Variants in B3GALT1 observed in about 807,000 individuals in gnomAD.
The protein encoded by B3GALT1 is UDP-Gal:betaGlcNAc beta 1,3-galactosyltransferase, polypeptide 1.
Under a neutral mutation model 23.2 loss-of-function variants are expected in B3GALT1, and 10 were observed. The observed-to-expected ratio is 0.43, with a 90% confidence interval of 0.27 to 0.73. The LOEUF (loss-of-function observed/expected upper bound fraction) is 0.73. B3GALT1 is among the 30% of genes least tolerant of loss of function. The probability of loss-of-function intolerance (pLI) is 0.21; values close to 1 mark genes in which losing one functional copy is unlikely to be tolerated. For synonymous variants in B3GALT1, 156 were observed against 141.5 expected (o/e 1.10, Z -0.73); for missense variants, 299 against 405.4 (o/e 0.74, Z 2.25).
At chr2:167,618,435 A>G (rs1398960162) in intron 2 of B3GALT1, among the ~76,000 whole-genome samples, 2 of 152,034 alleles carry the variant, frequency 1.3e-5, no homozygotes, top group Non-Finnish European at 2.9e-5. Flanking sequence ...TTGAGAGTAC[A>G]GATATGACCT....
rs2105278992 is a variant in B3GALT1 at position 167,385,682 on chromosome 2, G to A, written c.-511+92348G>A. The stretch of plus-strand genomic sequence containing the variant: ...TACTGCTAGGAAATAACAAAATTGG[G>A]ACTGGAAACAAGAAAGCATAACTTC... On this transcript the variant is annotated intron_variant, in intron 1 of 4. Coordinates refer to ENST00000392690, the MANE Select transcript of B3GALT1 (RefSeq NM_020981.4). Among the ~76,000 whole-genome samples the A allele has an allele frequency of 2.0e-5, 3 of 152,262 alleles. No homozygotes were observed. In the Middle Eastern group the frequency reaches 0.01, roughly 518 times the overall value.
intron 3 of B3GALT1, among the ~76,000 whole-genome samples, chr2:167,763,894 G>A (rs527282001): frequency 3.3e-5 from 5 of 152,094 alleles, no homozygotes; most frequent in Non-Finnish European, 7.4e-5. Flanking sequence ...CCCTCATCCT[G>A]ATGAGTATTC....
chr2:167,477,876 AAAC>A (rs1699508335), intron 1 of B3GALT1, among the ~76,000 whole-genome samples: 1 of 152,268 alleles, frequency 6.6e-6, no homozygotes, highest in South Asian at 2.1e-4. Context: ...ATTGAAAAGA[AAAC>A]AACAAAAACA....
At position 167,570,851 on chromosome 2, in the gene B3GALT1, A is replaced by G. The variant is rs905729788; in HGVS notation, c.-409-76058A>G. 2.0e-5 allele frequency among the ~76,000 whole-genome samples: 3 copies of G among 152,092 alleles called. No individual in the cohort carries two copies. The East Asian group carries it at 5.8e-4, about 29-fold the overall frequency. ...TAAAATCTTCTTTTTGGAGCCTCTC[A>G]GTACACATTAGCAAATCTACTTCTT... On this transcript the variant is annotated intron_variant, in intron 2 of 4. Transcript: ENST00000392690.
intron 4 of B3GALT1, among the ~76,000 whole-genome samples, chr2:167,831,397 T>C (rs1033351916): frequency 8.5e-5 from 13 of 152,226 alleles, no homozygotes; most frequent in African/African-American, 2.9e-4. Context: ...ACACAGTAAA[T>C]TGTGTAGTCA....
chr2:167,753,009 T>C (rs914331252), intron 3 of B3GALT1, among the ~76,000 whole-genome samples: 1 of 152,162 alleles, frequency 6.6e-6, no homozygotes, highest in East Asian at 1.9e-4. Context: ...AACATCTGCC[T>C]GTAGGTCCAC....
At chr2:167,727,755 A>T (rs943629096) in intron 3 of B3GALT1, among the ~76,000 whole-genome samples, 4 of 152,138 alleles carry the variant, frequency 2.6e-5, no homozygotes, top group Non-Finnish European at 5.9e-5. Context: ...CATCTTTCTT[A>T]CATTCGGGGT....
chr2:167,568,925 T>A (rs1684234153), intron 2 of B3GALT1, among the ~76,000 whole-genome samples: 1 of 152,002 alleles, frequency 6.6e-6, no homozygotes, highest in Non-Finnish European at 1.5e-5. Flanking sequence ...GTGTTTAGAT[T>A]CATTGTTTTG....
chr2:167,421,622 A>G (rs1367963414), intron 1 of B3GALT1, among the ~76,000 whole-genome samples: 1 of 152,198 alleles, frequency 6.6e-6, no homozygotes, highest in African/African-American at 2.4e-5. Context: ...GGGTATTCAA[A>G]TGTCACTCTT....
At chr2:167,845,899 A>T (rs368736884) in intron 4 of B3GALT1, among the ~76,000 whole-genome samples, 3 of 152,160 alleles carry the variant, frequency 2.0e-5, no homozygotes, top group African/African-American at 7.2e-5. Context: ...AATAGCTTAA[A>T]CAAAAAAACA....
At chr2:167,459,619 C>T (rs746163679) in intron 1 of B3GALT1, among the ~76,000 whole-genome samples, 8 of 151,990 alleles carry the variant, frequency 5.3e-5, no homozygotes, top group Non-Finnish European at 8.8e-5. Flanking sequence ...ATGTGGAGAA[C>T]AAAAAGTAGA....
intron 1 of B3GALT1, among the ~76,000 whole-genome samples, chr2:167,376,761 A>G (rs1352262593): frequency 1.3e-5 from 2 of 152,040 alleles, no homozygotes; most frequent in African/African-American, 4.8e-5. Context: ...CTAGTGGTCT[A>G]TCAATCTTGT....
intron 2 of B3GALT1, among the ~76,000 whole-genome samples, chr2:167,582,995 C>A (rs1035962321): frequency 2.0e-5 from 3 of 152,192 alleles, no homozygotes; most frequent in African/African-American, 7.2e-5. Flanking sequence ...CCATCCCACC[C>A]CACCCCTAGT....
chr2:167,434,162 G>T (rs1235588777), intron 1 of B3GALT1, among the ~76,000 whole-genome samples: 1 of 152,108 alleles, frequency 6.6e-6, no homozygotes. Flanking sequence ...TCAAGATATT[G>T]AAATTTAAGC....
At chr2:167,449,029 G>A (rs919632854) in intron 1 of B3GALT1, among the ~76,000 whole-genome samples, 44 of 152,230 alleles carry the variant, frequency 2.9e-4, no homozygotes, top group South Asian at 4.1e-4. Flanking sequence ...GTTGGGTAAT[G>A]TGATGCCTTC....
intron 3 of B3GALT1, among the ~76,000 whole-genome samples, chr2:167,661,038 A>G (rs902048709): frequency 2.8e-4 from 42 of 152,258 alleles, no homozygotes; most frequent in African/African-American, 9.9e-4. Flanking sequence ...GAATGAAAAG[A>G]AAGAAGGGTA....
At chr2:167,864,508 G>T (rs1383723726) in intron 4 of B3GALT1, among the ~76,000 whole-genome samples, 2 of 152,210 alleles carry the variant, frequency 1.3e-5, no homozygotes, top group Non-Finnish European at 2.9e-5. Flanking sequence ...AGGCTACAGT[G>T]AGCTGTGATT....
At position 167,540,196 on chromosome 2, in the gene B3GALT1, G is replaced by T. The variant is rs190566547; in HGVS notation, c.-410+49919G>T. ...GGAAAGAGAACCAGCTAGTCCAGGG[G>T]TTACCAAGACTATCTCAACTCCTGG... On this transcript the variant is annotated intron_variant, in intron 2 of 4. Transcript: ENST00000392690. 1.2e-3 allele frequency among the ~76,000 whole-genome samples: 177 copies of T among 152,134 alleles called. 6 individuals carry two copies. In the East Asian group the frequency reaches 0.029, roughly 25 times the overall value.
At chr2:167,504,558 T>C (rs1015983652) in intron 2 of B3GALT1, among the ~76,000 whole-genome samples, 2 of 152,114 alleles carry the variant, frequency 1.3e-5, no homozygotes, top group African/African-American at 2.4e-5. Flanking sequence ...AAATTACTTA[T>C]CAGAAAGGAG....
Sources: gnomAD v4.1 joint callset for allele counts (sites outside exome capture counted in the v4.1 genomes callset) on GRCh38, gnomAD v4.1.1 for gene constraint, MANE v1.5 for transcripts, NCBI Gene and HGNC (gene_info 2026-07-23, HGNC 2026-07-21) for gene names.